Variants in CDH26 observed in about 807,000 individuals in gnomAD.
The protein encoded by CDH26 is cadherin-like protein 26.
CDH26 carries 83 observed loss-of-function variants against 90.3 expected under a neutral mutation model. That is an observed-to-expected ratio of 0.92 (90% confidence interval 0.77 to 1.10). The LOEUF (loss-of-function observed/expected upper bound fraction) is 1.10, where lower values mean the gene tolerates loss of function less well. CDH26 is among the 50% of genes least tolerant of loss of function. CDH26 has a pLI of 0.00. For missense variants in CDH26, 1,013 were observed against 1,037.6 expected (o/e 0.98, Z 0.33); for synonymous variants, 397 against 396.3 (o/e 1.00, Z -0.02).
Position 59,999,567 on chromosome 20 carries a change from C to A in CDH26, c.2020-19C>A. The A allele has an allele frequency of 6.2e-7, 1 of 1,605,972 alleles. No homozygotes were observed. Among genetic ancestry groups the A allele is most frequent in the Non-Finnish European group, 8.5e-7 (1 of 1,174,182 alleles). On this transcript the variant is annotated intron_variant, in intron 13 of 17. Transcript: ENST00000348616. Reference sequence around the variant, plus strand: ...TGTGATTTCAGCCCTTGTCATATTTCTTTCTCTGTGTTCTACAGACATGGT... The same window carrying A: ...TGTGATTTCAGCCCTTGTCATATTTATTTCTCTGTGTTCTACAGACATGGT...
downstream of CDH26, among the ~76,000 whole-genome samples, chr20:60,035,267 T>C (rs550851009): frequency 2.6e-5 from 4 of 152,332 alleles, no homozygotes; most frequent in South Asian, 8.3e-4. Context: ...TTCACACTTT[T>C]TCTATGCATG....
At chr20:59,997,087 G>C (rs2426864) in intron 13 of CDH26, among the ~76,000 whole-genome samples, 1 of 152,092 alleles carries the variant, frequency 6.6e-6, no homozygotes, top group Admixed American at 6.5e-5. Flanking sequence ...AGCCTACAAC[G>C]CACAAGACAG....
intron 1 of CDH26, among the ~76,000 whole-genome samples, chr20:59,966,193 G>A (rs2061146105): frequency 1.6e-5 from 2 of 127,582 alleles, no homozygotes; most frequent in South Asian, 2.8e-4. Context: ...AATCATCACA[G>A]TTTCTTGGTT....
intron 11 of CDH26, among the ~76,000 whole-genome samples, chr20:59,995,295 A>G (rs1413809174): frequency 1.3e-5 from 2 of 152,154 alleles, no homozygotes; most frequent in African/African-American, 4.8e-5. Flanking sequence ...ACTTCTGGTC[A>G]CATAGTATCA....
Position 59,996,729 on chromosome 20 carries a change from T to G in CDH26, c.1987T>G (p.Tyr663Asp). 2 of 1,614,246 alleles carry G rather than the reference T, an allele frequency of 1.2e-6. No homozygotes were observed. Among genetic ancestry groups the G allele is most frequent in the South Asian group, 2.2e-5 (2 of 91,088 alleles). ...NDEGHQTLVM[Y>D]NAESKGTSAQ... ...TGAAGGCCACCAAACACTGGTCATG[T>G]ATAATGCGGAGAGCAAAGGCACTTC... is the stretch of plus-strand genomic sequence containing the variant. Residue 663 changes from tyrosine to aspartate, a missense_variant, in exon 13 of 18, where the codon TAT becomes GAT. Coordinates refer to ENST00000348616, the MANE Select transcript of CDH26 (RefSeq NM_177980.4).
chr20:60,018,069 A>G (rs542442095), downstream of CDH26, among the ~76,000 whole-genome samples: 144 of 152,184 alleles, frequency 9.5e-4, 5 homozygotes, highest in Non-Finnish European at 8.0e-4. Context: ...GATGAAAAAA[A>G]TGTGTATTCC....
intron 17 of CDH26, among the ~76,000 whole-genome samples, chr20:60,011,774 G>A (rs2061846416): frequency 6.6e-6 from 1 of 152,150 alleles, no homozygotes; most frequent in Non-Finnish European, 1.5e-5. Context: ...CGTGGGAGGA[G>A]GAGATGTAGG....
rs530986697 is a variant in CDH26, at chr20:59,964,256, G to A, written c.70-4711G>A. On this transcript the variant is annotated intron_variant, in intron 1 of 17. Coordinates refer to ENST00000348616, the MANE Select transcript of CDH26 (RefSeq NM_177980.4). ...TCATTCAGAGAATTTTCTCCCAAAA[G>A]ATGCCATGGCTGCCCAGCCAGGCCA... Among the ~76,000 whole-genome samples, 5 of 152,314 alleles carry A rather than the reference G, an allele frequency of 3.3e-5. No homozygotes were observed. The East Asian group carries it at 9.6e-4, about 29-fold the overall frequency.
intron 1 of CDH26, among the ~76,000 whole-genome samples, chr20:59,962,350 C>T (rs1042366637): frequency 3.3e-5 from 5 of 152,226 alleles, no homozygotes; most frequent in Admixed American, 6.5e-5. Flanking sequence ...GAAACCAAGG[C>T]GTCAGCAGGG....
At chr20:59,997,769 A>G (rs1430876378) in intron 13 of CDH26, among the ~76,000 whole-genome samples, 3 of 152,390 alleles carry the variant, frequency 2.0e-5, no homozygotes, top group South Asian at 2.1e-4. Flanking sequence ...GGAGAGACTT[A>G]TTGAATGAAG....
At chr20:60,000,480 A>G (rs937322465) in intron 14 of CDH26, among the ~76,000 whole-genome samples, 8 of 152,162 alleles carry the variant, frequency 5.3e-5, no homozygotes, top group African/African-American at 1.9e-4. Context: ...GCCCTTTTCT[A>G]GTTCCTACAA....
At chr20:59,961,894 A>G (rs2061079815) in intron 1 of CDH26, among the ~76,000 whole-genome samples, 1 of 152,142 alleles carries the variant, frequency 6.6e-6, no homozygotes, top group African/African-American at 2.4e-5. Context: ...GTTTTAAGAG[A>G]ATGAAACTGT....
At position 59,985,051 on chromosome 20, in the gene CDH26, G is replaced by A. The variant is rs368845121; in HGVS notation, c.759G>A (p.Pro253=). 8.7e-6 allele frequency: 14 copies of A among 1,613,996 alleles called. No individual in the cohort carries two copies. Among genetic ancestry groups the A allele is most frequent in the South Asian group, 4.4e-5 (4 of 91,068 alleles). ...LLIRARDCGE[P]SLSSTTTVHV... is the part of the protein sequence containing the mutation. ...TCAGAGCCAGGGACTGTGGAGAACC[G>A]TCACTGTCATCCACGACCACCGTTC... Residue 253 remains proline, a synonymous_variant, in exon 7 of 18, where the codon CCG becomes CCA. Transcript: ENST00000348616.
Position 59,992,289 on chromosome 20 carries a change from A to G in CDH26, c.1284-89A>G. The G allele has an allele frequency of 3.3e-6, 4 of 1,198,096 alleles. No homozygotes were observed. The highest frequency in any genetic ancestry group is 3.1e-5 in the African/African-American group (2 of 64,816). The allele number at this position is 1,198,096 out of a possible 1,614,324, so 74.2% of individuals were successfully genotyped here. A position where few individuals can be genotyped will look rare whatever the true frequency, so the allele number is the denominator to read the frequency against. ...TACTTGTGGTAGAAATAGTGTTTCT[A>G]TGACATATTTTGTTTTTTTATGCAA... On this transcript the variant is annotated intron_variant, in intron 9 of 17. Coordinates refer to ENST00000348616, the MANE Select transcript of CDH26 (RefSeq NM_177980.4). The surrounding 1 kb of genome is among the most constrained non-coding windows in gnomAD (Gnocchi z 5.0).
chr20:59,990,877 T>G (rs1196690356), intron 9 of CDH26, among the ~76,000 whole-genome samples: 2 of 151,784 alleles, frequency 1.3e-5, no homozygotes, highest in Non-Finnish European at 2.9e-5. Flanking sequence ...TTTTTTTTTT[T>G]TCTTTTTTTT....
chr20:59,997,676 A>G (rs6071071), intron 13 of CDH26, among the ~76,000 whole-genome samples: 2,379 of 152,392 alleles, frequency 0.016, 34 homozygotes, highest in Non-Finnish European at 0.025. Flanking sequence ...GAAAATGAAC[A>G]CAAAAGAAAT....
intron 15 of CDH26, 78 bp from the exon 16 acceptor site, chr20:60,002,735 C>T (rs2061692814): frequency 1.8e-6 from 2 of 1,118,354 alleles, no homozygotes. Flanking sequence ...GGCAATATGA[C>T]TGCAAGAATT....
chr20:59,996,440 C>G (rs1000692451), intron 12 of CDH26, 191 bp from the exon 13 acceptor site: 1 of 1,586,642 alleles, frequency 6.3e-7, no homozygotes, highest in Non-Finnish European at 8.6e-7. Flanking sequence ...TTGATTAATT[C>G]AACAAACAGT....
intron 4 of CDH26, among the ~76,000 whole-genome samples, chr20:59,978,445 G>A (rs1193453792): frequency 2.0e-5 from 3 of 150,606 alleles, no homozygotes; most frequent in South Asian, 2.1e-4. Context: ...GGGTGATCTC[G>A]GCTCACTGCA....
Sources: gnomAD v4.1 joint callset for allele counts (sites outside exome capture counted in the v4.1 genomes callset) on GRCh38, gnomAD v4.1.1 for gene constraint, Gnocchi (gnomAD v3.1) non-coding constraint, MANE v1.5 for transcripts, NCBI Gene and HGNC (gene_info 2026-07-23, HGNC 2026-07-21) for gene names.